IFT172: variants seen among roughly 807,000 people sequenced by gnomAD.
IFT172 encodes intraflagellar transport protein 172 homolog.
Under a neutral mutation model 248.9 loss-of-function variants are expected in IFT172, and 164 were observed. The ratio of observed to expected loss-of-function variants is 0.66; its 90% CI spans 0.58 to 0.75. IFT172 has a LOEUF of 0.75. Among genes scored for constraint, IFT172 ranks in the 30% least tolerant of loss-of-function variants. The pLI, the probability that IFT172 is intolerant of heterozygous loss-of-function variation, is 0.00. For synonymous variants in IFT172, 729 were observed against 791.6 expected (o/e 0.92, Z 1.33); for missense variants, 1,950 against 2,192.4 (o/e 0.89, Z 2.21).
rs773180868 is a variant in IFT172 at position 27,445,781 on chromosome 2, G to A, written c.4878C>T (p.Pro1626=). The A allele has an allele frequency of 1.9e-6, 3 of 1,614,170 alleles. No individual in the cohort carries two copies. The Admixed American group carries it at 5.0e-5, about 27-fold the overall frequency. ...DHSDFQDTDI[P]FEVPLPAKQH... Reference sequence around the variant, plus strand: ...GCTTAGCTGGGAGTGGCACCTCAAAGGGAATGTCTGTATCCTGAAAATCAG... The same window carrying A: ...GCTTAGCTGGGAGTGGCACCTCAAAAGGAATGTCTGTATCCTGAAAATCAG... The change falls in exon 45 of 48, where the codon CCC becomes CCT. Residue 1626 remains proline, a synonymous_variant. Coordinates refer to ENST00000260570, the MANE Select transcript of IFT172 (RefSeq NM_015662.3). The surrounding 1 kb of genome is among the most constrained non-coding windows in gnomAD (Gnocchi z 4.4).
In IFT172 at chr2:27,445,197, T is replaced by TG; in HGVS notation, c.5069-93dup. On this transcript the variant is annotated intron_variant, in intron 46 of 47. Transcript: ENST00000260570. The surrounding 1 kb of genome is among the most constrained non-coding windows in gnomAD (Gnocchi z 4.4). Reference sequence around the variant, plus strand: ...GCCTGGGGGGTAGAAAGCACAGTCCTGTCTTTTGTACCCTTTACTGAATCC... The same window carrying TG: ...GCCTGGGGGGTAGAAAGCACAGTCCTGGTCTTTTGTACCCTTTACTGAATCC... The TG allele has an allele frequency of 1.3e-6, 2 of 1,591,852 alleles. No individual in the cohort carries two copies. Among genetic ancestry groups the TG allele is most frequent in the Non-Finnish European group, 1.7e-6 (2 of 1,167,428 alleles).
rs1668694489 is a variant in IFT172 at position 27,485,500 on chromosome 2, C to T, written c.43G>A (p.Gly15Arg). 6.2e-7 allele frequency: 1 copy of T among 1,613,994 alleles called. No homozygotes were observed. The highest frequency in any genetic ancestry group is 8.5e-7 in the Non-Finnish European group (1 of 1,179,896). ...HLRTLLSPQD[G>R]AAKVTCMAWS... ...GCCATGCAGGTCACCTTTGCAGCTC[C>T]ATCCTGTAGAGGCAAAGGGGTAAAA... Residue 15 changes from glycine (G) to arginine (R), a missense_variant, in exon 2 of 48, where the codon GGA becomes AGA. Gly to Arg is a moderately radical substitution (Grantham distance 125). Around this residue, in one of 3 missense-constraint regions of IFT172, gnomAD observed 1,166 missense variants for 1,254.1 expected, o/e 0.93. Coordinates refer to ENST00000260570, the MANE Select transcript of IFT172 (RefSeq NM_015662.3).
At chr2:27,464,511 G>T (rs1297036519) in intron 18 of IFT172, among the ~76,000 whole-genome samples, 1 of 152,000 alleles carries the variant, frequency 6.6e-6, no homozygotes, top group Non-Finnish European at 1.5e-5. Context: ...ACCAAACCTG[G>T]ATTATACACA....
chr2:27,477,490 C>T, intron 12 of IFT172, 69 bp downstream of exon 12: 1 of 1,297,594 alleles, frequency 7.7e-7, no homozygotes, highest in Non-Finnish European at 1.1e-6. Context: ...TTGCAACTTG[C>T]CATCTTTATG....
In IFT172 at chr2:27,483,562, CT is replaced by C. The variant is rs754326141; in HGVS notation, c.482+17del. 1.9e-6 allele frequency: 3 copies of C among 1,611,568 alleles called. No individual in the cohort carries two copies. Among genetic ancestry groups the C allele is most frequent in the Non-Finnish European group, 2.5e-6 (3 of 1,177,896 alleles). On this transcript the variant is annotated intron_variant, in intron 6 of 47. Coordinates refer to ENST00000260570, the MANE Select transcript of IFT172 (RefSeq NM_015662.3). Reference sequence around the variant, plus strand: ...CTAACACTTCCAGACTCTAGTGATACTACTCCTCTTTACTCACTTTGTTGTC... The same window carrying C: ...CTAACACTTCCAGACTCTAGTGATACACTCCTCTTTACTCACTTTGTTGTC...
At chr2:27,479,788 A>AT (rs774490278) in intron 9 of IFT172, among the ~76,000 whole-genome samples, 184 bp from the exon 10 acceptor site, 2 of 152,224 alleles carry the variant, frequency 1.3e-5, no homozygotes, top group Non-Finnish European at 2.9e-5. Context: ...AGGGCACAAC[A>AT]TATTAATGGG....
rs924000841 is a variant in IFT172, at chr2:27,454,285, A to G, written c.3530+69T>C. 2.4e-5 allele frequency: 38 copies of G among 1,609,206 alleles called. No individual in the cohort carries two copies. The Admixed American group carries it at 3.2e-4, about 13-fold the overall frequency. ...TTGTTCTAGGTTTGAATGAAGGTCA[A>G]GATAATCATGAAAGATCCTGGGACG... On this transcript the variant is annotated intron_variant, in intron 32 of 47. Transcript: ENST00000260570. The surrounding 1 kb of genome is among the most constrained non-coding windows in gnomAD (Gnocchi z 4.2).
At chr2:27,489,486 T>C in intron 1 of IFT172, 129 bp downstream of exon 1, 1 of 667,530 alleles carries the variant, frequency 1.5e-6, no homozygotes, top group East Asian at 2.9e-5. Context: ...CAGGCCAAGA[T>C]CCAGATCATC....
intron 16 of IFT172, 93 bp from the exon 17 acceptor site, chr2:27,465,975 G>A: frequency 7.0e-7 from 1 of 1,430,240 alleles, no homozygotes; most frequent in Non-Finnish European, 9.7e-7. Context: ...GACCCAGTCA[G>A]TGGTCAAGAG....
At chr2:27,460,027 A>G (rs1407369868) in intron 23 of IFT172, among the ~76,000 whole-genome samples, 198 bp from the exon 24 acceptor site, 2 of 152,080 alleles carry the variant, frequency 1.3e-5, no homozygotes, top group South Asian at 4.1e-4. Flanking sequence ...CTGTGTAGAA[A>G]GAAGTAGACA....
At position 27,450,079 on chromosome 2, in the gene IFT172, G is replaced by A; in HGVS notation, c.3969C>T (p.Ile1323=). The change falls in exon 36 of 48, where the codon ATC becomes ATT. Residue 1323 remains isoleucine, a synonymous_variant. Transcript: ENST00000260570. The part of the protein sequence containing the change: ...KCWMKAAELS[I]KFLPPQRNME... ...TATTACGTTGGGGAGGCAGAAACTT[G>A]ATGGAGAGTTCAGCTGCCTGAGTGG... 6.2e-7 allele frequency: 1 copy of A among 1,614,034 alleles called. No individual in the cohort carries two copies. The highest frequency in any genetic ancestry group is 8.5e-7 in the Non-Finnish European group (1 of 1,179,870).
chr2:27,463,326 T>C (rs570643428), intron 18 of IFT172, 145 bp from the exon 19 acceptor site: 1 of 638,168 alleles, frequency 1.6e-6, no homozygotes, highest in African/African-American at 1.8e-5. Context: ...CCAAGGAAGA[T>C]GAGGGCCTTG....
At position 27,481,471 on chromosome 2, in the gene IFT172, C is replaced by A. The variant is rs975516674; in HGVS notation, c.571-211G>T. ...CACACACATACACACACACACACAC[C>A]CCTATACACATAGGGGTTGACCTTG... On this transcript the variant is annotated intron_variant, in intron 7 of 47. Coordinates refer to ENST00000260570, the MANE Select transcript of IFT172 (RefSeq NM_015662.3). Among the ~76,000 whole-genome samples the A allele has an allele frequency of 2.0e-5, 3 of 150,468 alleles. No individual in the cohort carries two copies. In the East Asian group the frequency reaches 5.8e-4, roughly 29 times the overall value.
At chr2:27,476,892 G>C in intron 13 of IFT172, 166 bp from the exon 14 acceptor site, 1 of 605,946 alleles carries the variant, frequency 1.7e-6, no homozygotes. Context: ...GTGTGATCAC[G>C]GCTCACTACA....
Position 27,454,051 on chromosome 2 carries a change from C to G in IFT172, c.3642G>C (p.Lys1214Asn), listed in dbSNP as rs1379888681. The change falls in exon 33 of 48, where the codon AAG becomes AAC. Residue 1214 changes from lysine to asparagine, a missense_variant. Lys to Asn is a moderately conservative substitution (Grantham distance 94). Around this residue, in one of 3 missense-constraint regions of IFT172, gnomAD observed 620 missense variants for 699.0 expected, o/e 0.89. Coordinates refer to ENST00000260570, the MANE Select transcript of IFT172 (RefSeq NM_015662.3). This position sits in a 1 kb window ranked among gnomAD's most constrained non-coding sequence, Gnocchi z 4.2. ...GCAGCCCTTCTGCTTTCTGAAAGTC[C>G]TTCTCCTCCAAGGCCCCCCGGGCCT... ...VGQARGALEE[K>N]DFQKAEGLLL... 6.2e-7 allele frequency: 1 copy of G among 1,614,014 alleles called. No individual in the cohort carries two copies. The highest frequency in any genetic ancestry group is 8.5e-7 in the Non-Finnish European group (1 of 1,180,030).
chr2:27,445,263 C>G lies in IFT172; in HGVS notation c.5068+33G>C. The G allele has an allele frequency of 6.3e-7, 1 of 1,596,996 alleles. No homozygotes were observed. Among genetic ancestry groups the G allele is most frequent in the African/African-American group, 1.3e-5 (1 of 74,530 alleles). ...TATTGATCCTGCTGCTTTCTACCCACCACAGGATCTGGGGTGCTGTAGGCT... is the reference window on the plus strand; with the variant it reads ...TATTGATCCTGCTGCTTTCTACCCAGCACAGGATCTGGGGTGCTGTAGGCT... On this transcript the variant is annotated intron_variant, in intron 46 of 47. Transcript: ENST00000260570. The surrounding 1 kb of genome is among the most constrained non-coding windows in gnomAD (Gnocchi z 4.4).
intron 16 of IFT172, among the ~76,000 whole-genome samples, chr2:27,467,418 GAAAAAAAAAA>G (rs34115935): frequency 1.8e-4 from 3 of 16,428 alleles, no homozygotes; most frequent in East Asian, 4.8e-3. Context: ...ACAGAAAATT[GAAAAAAAAAA>G]AAAAAAAAAA....
chr2:27,459,487 G>A lies in IFT172; in HGVS notation c.2678C>T (p.Ala893Val), dbSNP rs772910546. Residue 893 changes from alanine to valine, a missense_variant, in exon 25 of 48, where the codon GCC becomes GTC. This residue lies in a region of IFT172 where 1,166 missense variants were observed against 1,254.1 expected (regional missense o/e 0.93). Transcript: ENST00000260570. ...SIKAIEAALGARQWKKAIYIL... is the reference protein window; with the variant it reads ...SIKAIEAALGVRQWKKAIYIL... Reference sequence around the variant, plus strand: ...ATAAATTGCCTTCTTCCACTGGCGGGCACCCAGGGCGGCCTCAATTGCCTT... The same window carrying A: ...ATAAATTGCCTTCTTCCACTGGCGGACACCCAGGGCGGCCTCAATTGCCTT... 1.9e-6 allele frequency: 3 copies of A among 1,614,158 alleles called. No homozygotes were observed. The highest frequency in any genetic ancestry group is 2.5e-6 in the Non-Finnish European group (3 of 1,179,996).
intron 8 of IFT172, 58 bp downstream of exon 8, chr2:27,480,988 A>G: frequency 2.9e-6 from 4 of 1,393,004 alleles, no homozygotes; most frequent in Non-Finnish European, 4.1e-6. Flanking sequence ...AATTTGGCTA[A>G]AGCAGAGAGT....
Sources: allele counts gnomAD v4.1 joint callset (sites outside exome capture counted in the v4.1 genomes callset), GRCh38; gene constraint gnomAD v4.1.1; regional missense constraint gnomAD v4.1.1; non-coding constraint Gnocchi (gnomAD v3.1); transcripts MANE v1.5; gene names NCBI Gene and HGNC (gene_info 2026-07-23, HGNC 2026-07-21).